The following GPLD1 variants were observed in gnomAD, a reference collection of about 807,000 sequenced individuals.
GPLD1 encodes the protein glycosylphosphatidylinositol specific phospholipase D1.
In GPLD1, 84 loss-of-function variants were observed where a neutral mutation model predicts 112.6. The observed-to-expected ratio is 0.75, with a 90% confidence interval of 0.63 to 0.89. The LOEUF (loss-of-function observed/expected upper bound fraction) is 0.89. Among genes scored for constraint, GPLD1 ranks in the 40% least tolerant of loss-of-function variants. The pLI, the probability that GPLD1 is intolerant of heterozygous loss-of-function variation, is 0.00. For missense variants in GPLD1, 1,044 were observed against 1,051.5 expected (o/e 0.99, Z 0.10); for synonymous variants, 386 against 403.8 (o/e 0.96, Z 0.53).
chr6:24,454,298 TTC>T (rs1763196864), intron 13 of GPLD1, 97 bp from the exon 14 acceptor site: 1 of 804,674 alleles, frequency 1.2e-6, no homozygotes, highest in Non-Finnish European at 1.8e-6. Flanking sequence ...TCCATTAACT[TTC>T]TCTCACTGAC....
rs764379818 is a variant in GPLD1, at chr6:24,429,110, G to A, written c.2445C>T (p.Val815=). 46 of 1,610,840 alleles carry A rather than the reference G, an allele frequency of 2.9e-5. No individual in the cohort carries two copies. The Admixed American group carries it at 4.2e-4, about 15-fold the overall frequency. The change falls in exon 25 of 25, where the codon GTC becomes GTT. Residue 815 remains valine, a synonymous_variant. Transcript: ENST00000230036. ...AAGAACTCCTTCCAGCAGCAATGAC[G>A]ACTTGGTTCTGTAAGGGACACAAGA... ...ITVRSKAKNQ[V]VIAAGRSSLG...
chr6:24,474,548 T>C (rs574981238), intron 5 of GPLD1, among the ~76,000 whole-genome samples: 46 of 152,360 alleles, frequency 3.0e-4, no homozygotes, highest in African/African-American at 1.1e-3. Flanking sequence ...ATCAATTATT[T>C]TTGTGACTAA....
At chr6:24,474,946 CAAAAA>C (rs10646493) in intron 5 of GPLD1, among the ~76,000 whole-genome samples, 170 bp downstream of exon 5, 1 of 108,660 alleles carries the variant, frequency 9.2e-6, no homozygotes. Context: ...GACTCCATCT[CAAAAA>C]AAAAAAAAAA....
chr6:24,455,036 G>A (rs1220604172), intron 13 of GPLD1, among the ~76,000 whole-genome samples: 1 of 152,234 alleles, frequency 6.6e-6, no homozygotes, highest in Non-Finnish European at 1.5e-5. Context: ...GGCTGAGGCA[G>A]GAGAATCACT....
At position 24,462,738 on chromosome 6, in the gene GPLD1, G is replaced by C; in HGVS notation, c.879C>G (p.His293Gln). 1 of 1,611,300 alleles carries C rather than the reference G, an allele frequency of 6.2e-7. No individual in the cohort carries two copies. ...LFIACGGQQN[H>Q]TQGSKMQKND... ...TTTTGGAATCCACTTACCCCTGGGT[G>C]TGGTTTTGCTGGCCGCCACATGCAA... Residue 293 changes from histidine to glutamine, a missense_variant, in exon 11 of 25, where the codon CAC (histidine) becomes CAG (glutamine). By Grantham distance (24) the His-to-Gln change is conservative (BLOSUM62 0). Coordinates refer to ENST00000230036, the MANE Select transcript of GPLD1 (RefSeq NM_001503.4).
In GPLD1 at chr6:24,467,139, T is replaced by C. The variant is rs990508524; in HGVS notation, c.653+28A>G. ...CAAAGGAAGTCACAACAAAATCAGC[T>C]GCAAATTGTCCTCTGAGTTACGCTT... On this transcript the variant is annotated intron_variant, in intron 8 of 24. Coordinates refer to ENST00000230036, the MANE Select transcript of GPLD1 (RefSeq NM_001503.4). 6.1e-6 allele frequency: 8 copies of C among 1,315,240 alleles called. No homozygotes were observed. In the African/African-American group the frequency reaches 1.0e-4, roughly 17 times the overall value. The allele number at this position is 1,315,240 out of a possible 1,614,324, so 81.5% of individuals were successfully genotyped here.
upstream of GPLD1, chr6:24,489,662 T>C (rs931564925): frequency 8.2e-6 from 11 of 1,345,788 alleles, no homozygotes; most frequent in Non-Finnish European, 1.1e-5. Flanking sequence ...ATAATATCGT[T>C]TTCCAATGAA....
Position 24,460,403 on chromosome 6 carries a change from T to C in GPLD1, c.888-4A>G, listed in dbSNP as rs764104385. The C allele has an allele frequency of 2.5e-6, 4 of 1,613,296 alleles. No homozygotes were observed. The highest frequency in any genetic ancestry group is 1.1e-5 in the South Asian group (1 of 91,058). On this transcript the variant is annotated splice_polypyrimidine_tract_variant and splice_region_variant and intron_variant, in intron 11 of 24. Transcript: ENST00000230036. ...ATCATTTTTCTGCATTTTTGAGCTG[T>C]TGAAGAGAAAGAGGAATAAACTGGT...
Position 24,433,398 on chromosome 6 carries a change from A to G in GPLD1, c.2359-9T>C, listed in dbSNP as rs1285580243. Reference sequence around the variant, plus strand: ...ATCAATACATATTGGGCCTGAAGAAAAAAATTGAGGAGAGAGACAATGTTA... The same window carrying G: ...ATCAATACATATTGGGCCTGAAGAAGAAAATTGAGGAGAGAGACAATGTTA... On this transcript the variant is annotated splice_polypyrimidine_tract_variant and intron_variant, in intron 22 of 24. Transcript: ENST00000230036. The G allele has an allele frequency of 1.3e-6, 2 of 1,599,692 alleles. No homozygotes were observed. The highest frequency in any genetic ancestry group is 8.6e-7 in the Non-Finnish European group (1 of 1,167,162).
At chr6:24,489,109 C>T (rs1764479288) in intron 1 of GPLD1, among the ~76,000 whole-genome samples, 1 of 152,228 alleles carries the variant, frequency 6.6e-6, no homozygotes, top group South Asian at 2.1e-4. Context: ...GTCAGTTCTG[C>T]TGCCACGTTG....
chr6:24,474,169 C>CCACACA (rs1274637237), intron 5 of GPLD1, among the ~76,000 whole-genome samples: 5 of 74,282 alleles, frequency 6.7e-5, no homozygotes, highest in South Asian at 4.5e-4. Context: ...AAAACCACAC[C>CCACACA]CACATACACA....
intron 22 of GPLD1, among the ~76,000 whole-genome samples, chr6:24,433,787 G>A (rs1762484773): frequency 2.6e-5 from 4 of 151,946 alleles, no homozygotes; most frequent in Admixed American, 2.0e-4. Context: ...GAGCCACCAC[G>A]CCCAGCCTCA....
intron 20 of GPLD1, among the ~76,000 whole-genome samples, chr6:24,440,711 G>A (rs1269555681): frequency 7.9e-6 from 1 of 127,304 alleles, no homozygotes; most frequent in African/African-American, 3.1e-5. Flanking sequence ...AACATAGCAA[G>A]ACTCCAACTA....
At chr6:24,458,399 G>C (rs1287934414) in intron 12 of GPLD1, among the ~76,000 whole-genome samples, 1 of 152,106 alleles carries the variant, frequency 6.6e-6, no homozygotes, top group East Asian at 1.9e-4. Context: ...TATATGCCAG[G>C]TACCACAGCA....
chr6:24,433,884 A>C (rs1484495460), intron 22 of GPLD1, among the ~76,000 whole-genome samples: 1 of 152,164 alleles, frequency 6.6e-6, no homozygotes, highest in Admixed American at 6.6e-5. Flanking sequence ...CAGAAAAATA[A>C]CCAGATGTAT....
chr6:24,460,908 T>A (rs945507156), intron 11 of GPLD1, among the ~76,000 whole-genome samples: 9 of 151,846 alleles, frequency 5.9e-5, no homozygotes, highest in African/African-American at 2.2e-4. Flanking sequence ...ACCCAGCTGA[T>A]TTTTTTGTAT....
At chr6:24,437,437 G>T in intron 20 of GPLD1, 148 bp from the exon 21 acceptor site, 1 of 670,484 alleles carries the variant, frequency 1.5e-6, no homozygotes, top group Non-Finnish European at 2.5e-6. Context: ...AGTCAGGGAG[G>T]TACAACCAGC....
chr6:24,441,665 C>T (rs180777167), intron 20 of GPLD1, among the ~76,000 whole-genome samples: 5 of 152,140 alleles, frequency 3.3e-5, no homozygotes, highest in Middle Eastern at 3.2e-3. Context: ...TGTACAGTGC[C>T]GAGAGAAGCT....
At chr6:24,468,908 A>G (rs1366964421) in intron 7 of GPLD1, among the ~76,000 whole-genome samples, 1 of 152,262 alleles carries the variant, frequency 6.6e-6, no homozygotes, top group African/African-American at 2.4e-5. Context: ...CTGAGGCTGT[A>G]TCATGGGTGT....
Sources: gnomAD v4.1 joint callset for allele counts (sites outside exome capture counted in the v4.1 genomes callset) on GRCh38, gnomAD v4.1.1 for gene constraint, MANE v1.5 for transcripts, NCBI Gene and HGNC (gene_info 2026-07-23, HGNC 2026-07-21) for gene names.